The following NOTCH2 variants were observed in gnomAD, a reference collection of about 807,000 sequenced individuals.
The protein encoded by NOTCH2 is neurogenic locus notch homolog protein 2.
In NOTCH2, 29 loss-of-function variants were observed where a neutral mutation model predicts 235.8. The observed-to-expected ratio is 0.12, with a 90% CI of 0.09 to 0.17. The LOEUF (loss-of-function observed/expected upper bound fraction) is 0.17, where lower values mean the gene tolerates loss of function less well. NOTCH2 is among the 10% of genes least tolerant of loss of function. The probability of loss-of-function intolerance (pLI) is 1.00; values close to 1 mark genes in which losing one functional copy is unlikely to be tolerated. For missense variants in NOTCH2, 2,285 were observed against 3,150.2 expected, an observed-to-expected ratio of 0.73 and a Z score of 6.57; for synonymous variants, 1,086 against 1,141.5, an observed-to-expected ratio of 0.95 and a Z score of 0.98.
intron 22 of NOTCH2, among the ~76,000 whole-genome samples, chr1:119,929,426 G>C (rs1031375336): frequency 6.6e-6 from 1 of 152,080 alleles, no homozygotes; most frequent in Non-Finnish European, 1.5e-5. Flanking sequence ...AACATACTAG[G>C]GCTCCGCATG....
chr1:119,994,543 C>CAT (rs1652365284), intron 4 of NOTCH2: 3 of 144,394 alleles, frequency 2.1e-5, no homozygotes, highest in African/African-American at 8.3e-5. Context: ...CACACACACA[C>CAT]ACACACACAC....
At chr1:119,935,260 A>C (rs1557811086) in intron 22 of NOTCH2, 4 of 1,469,994 alleles carry the variant, frequency 2.7e-6, no homozygotes, top group Admixed American at 2.3e-5. Context: ...GATGCCAAAC[A>C]ACCAGATAAA....
intron 1 of NOTCH2, among the ~76,000 whole-genome samples, chr1:120,033,342 C>CGGAGGTTGCA (rs1478433500): frequency 2.0e-5 from 2 of 101,906 alleles, no homozygotes; most frequent in African/African-American, 7.4e-5. Context: ...ACCTGGGGGG[C>CGGAGGTTGCA]GGAGGTTGCA....
At chr1:119,949,355 T>A (rs782243827) in intron 15 of NOTCH2, among the ~76,000 whole-genome samples, 27 of 151,406 alleles carry the variant, frequency 1.8e-4, no homozygotes, top group Non-Finnish European at 3.5e-4. Flanking sequence ...CTAGGCCTGT[T>A]AAATGTAGTT....
At chr1:120,067,130 T>A (rs1445406937) in intron 1 of NOTCH2, among the ~76,000 whole-genome samples, 1 of 152,016 alleles carries the variant, frequency 6.6e-6, no homozygotes, top group African/African-American at 2.4e-5. Context: ...ACTCAAAAGT[T>A]TAGAAGGGTG....
intron 6 of NOTCH2, 59 bp from the exon 7 acceptor site, chr1:119,968,291 C>T: frequency 1.3e-6 from 2 of 1,550,366 alleles, no homozygotes; most frequent in East Asian, 2.3e-5. Flanking sequence ...TGGGGAAGAG[C>T]TTTCTCTTTC....
At chr1:119,977,739 C>T (rs1475972214) in intron 5 of NOTCH2, among the ~76,000 whole-genome samples, 2 of 152,152 alleles carry the variant, frequency 1.3e-5, no homozygotes, top group Non-Finnish European at 2.9e-5. Context: ...TCGGTACACA[C>T]TGAAGAAAAA....
chr1:119,981,435 T>C (rs781795078), intron 5 of NOTCH2, among the ~76,000 whole-genome samples: 5 of 152,196 alleles, frequency 3.3e-5, no homozygotes, highest in African/African-American at 4.8e-5. Flanking sequence ...TTCCATGTAG[T>C]AGTTGTTCAA....
rs782742319 is a variant in NOTCH2 at position 120,069,316 on chromosome 1, C to T, written c.73+18G>A. 6.4e-7 allele frequency: 1 copy of T among 1,557,730 alleles called. No individual in the cohort carries two copies. The highest frequency in any genetic ancestry group is 8.6e-7 in the Non-Finnish European group (1 of 1,159,660). On this transcript the variant is annotated intron_variant, in intron 1 of 33. Coordinates refer to ENST00000256646, the MANE Select transcript of NOTCH2 (RefSeq NM_024408.4). ...AGCCCCGGGCGCCGCGGACAGCGCC[C>T]CTCAGCCCGATACTCACCATGCGCG...
At chr1:120,024,981 A>G (rs1653786112) in intron 2 of NOTCH2, among the ~76,000 whole-genome samples, 1 of 151,754 alleles carries the variant, frequency 6.6e-6, no homozygotes. Flanking sequence ...AGCAAACTAT[A>G]TGAAACCCAC....
chr1:119,924,070 T>G (rs1570662695), intron 25 of NOTCH2, 86 bp from the exon 26 acceptor site: 4 of 1,181,344 alleles, frequency 3.4e-6, no homozygotes, highest in Non-Finnish European at 4.9e-6. Context: ...CTACTGTGGA[T>G]TTTCCTACCC....
intron 1 of NOTCH2, among the ~76,000 whole-genome samples, chr1:120,037,190 C>A (rs879965981): frequency 6.6e-6 from 1 of 152,120 alleles, no homozygotes; most frequent in South Asian, 2.1e-4. Context: ...GGTATTTTAA[C>A]GTCTTGACTG....
In NOTCH2 at chr1:119,914,054, A is replaced by C. The variant is rs1373351419; in HGVS notation, c.*1252T>G. The C allele has an allele frequency of 4.3e-6, 1 of 233,178 alleles. No individual in the cohort carries two copies. The highest frequency in any genetic ancestry group is 5.6e-5 in the Admixed American group (1 of 17,782). 14.4% of individuals were successfully genotyped at this position (233,178 alleles called of 1,614,324 possible). On this transcript the variant is annotated 3_prime_UTR_variant, in exon 34 of 34. Coordinates refer to ENST00000256646, the MANE Select transcript of NOTCH2 (RefSeq NM_024408.4). ...GCAAGATAATCAGTAGAGACTGATC[A>C]TCTGACAAACGGAAGACAACTGTCA...
intron 2 of NOTCH2, among the ~76,000 whole-genome samples, chr1:120,023,048 C>T (rs1653689297): frequency 6.6e-6 from 1 of 151,474 alleles, no homozygotes. Flanking sequence ...CCCTAATACG[C>T]AATAATGTTA....
At chr1:119,925,970 G>A (rs1383497785) in intron 24 of NOTCH2, among the ~76,000 whole-genome samples, 160 bp from the exon 25 acceptor site, 3 of 152,184 alleles carry the variant, frequency 2.0e-5, no homozygotes, top group Non-Finnish European at 2.9e-5. Flanking sequence ...TATCTCCCGA[G>A]GCATAGGGAT....
chr1:119,927,240 G>A (rs1043092481), intron 23 of NOTCH2, among the ~76,000 whole-genome samples: 13 of 152,214 alleles, frequency 8.5e-5, no homozygotes, highest in African/African-American at 2.9e-4. Context: ...CAGAGGAGAC[G>A]CAGGGCACAG....
chr1:119,995,709 A>G (rs1553203974), intron 4 of NOTCH2: 1 of 152,240 alleles, frequency 6.6e-6, no homozygotes, highest in Non-Finnish European at 1.5e-5. Flanking sequence ...ATATAATTAA[A>G]TAGCTTGTTC....
At chr1:120,045,470 TAAAAA>T (rs375380660) in intron 1 of NOTCH2, among the ~76,000 whole-genome samples, 3 of 124,552 alleles carry the variant, frequency 2.4e-5, no homozygotes, top group African/African-American at 3.7e-5. Context: ...GGAAAGACTT[TAAAAA>T]AAAAAAAAAA....
rs782380329 is a variant in NOTCH2, at chr1:119,987,000, C to G, written c.834G>C (p.Gly278=). ...RCQNGGVCVD[G]VNTYNCRCPP... is the part of the protein sequence containing the mutation. ...GACAGCGGCAGTTGTAAGTGTTGAC[C>G]CCATCCACACAAACCCCTCCATTCT... is the stretch of plus-strand genomic sequence containing the variant. The change falls in exon 5 of 34, where the codon GGG becomes GGC. Residue 278 remains glycine (G), a synonymous_variant. Coordinates refer to ENST00000256646, the MANE Select transcript of NOTCH2 (RefSeq NM_024408.4). 1 of 1,613,586 alleles carries G rather than the reference C, an allele frequency of 6.2e-7. No individual in the cohort carries two copies. Among genetic ancestry groups the G allele is most frequent in the African/African-American group, 1.3e-5 (1 of 74,870 alleles).
Sources: gnomAD v4.1 joint callset for allele counts (sites outside exome capture counted in the v4.1 genomes callset) on GRCh38, gnomAD v4.1.1 for gene constraint, MANE v1.5 for transcripts, NCBI Gene and HGNC (gene_info 2026-07-23, HGNC 2026-07-21) for gene names.